Variants in LIPC observed in about 807,000 individuals in gnomAD.
LIPC encodes the protein lipase C, hepatic type, also known as hepatic triacylglycerol lipase.
Under a neutral mutation model 50.7 loss-of-function variants are expected in LIPC, and 44 were observed. The observed-to-expected ratio is 0.87, with a 90% CI of 0.68 to 1.11. The LOEUF is 1.11. LIPC is among the 50% of genes most tolerant of loss of function. The pLI, the probability that LIPC is intolerant of heterozygous loss-of-function variation, is 0.00. For missense variants in LIPC, 697 were observed against 648.2 expected, an observed-to-expected ratio of 1.08 and a Z score of -0.82; for synonymous variants, 271 against 256.4, an observed-to-expected ratio of 1.06 and a Z score of -0.54.
chr15:58,541,266 T>A (rs767656891), intron 2 of LIPC, among the ~76,000 whole-genome samples: 12 of 152,076 alleles, frequency 7.9e-5, no homozygotes, highest in Non-Finnish European at 1.8e-4. Flanking sequence ...TATGTCAGGC[T>A]CACAGTGCCC....
chr15:58,458,072 A>G (rs1465865358), intron 1 of LIPC, among the ~76,000 whole-genome samples: 1 of 152,240 alleles, frequency 6.6e-6, no homozygotes, highest in African/African-American at 2.4e-5. Flanking sequence ...TTAAATGGCA[A>G]AAGTCCTTGC....
chr15:58,545,589 G>T (rs1893493615), intron 4 of LIPC, among the ~76,000 whole-genome samples, 153 bp from the exon 5 acceptor site: 1 of 152,190 alleles, frequency 6.6e-6, no homozygotes, highest in South Asian at 2.1e-4. Flanking sequence ...ACTGAGAAAA[G>T]GTTACGGCGA....
At chr15:58,494,468 C>T (rs536821018) in intron 1 of LIPC, among the ~76,000 whole-genome samples, 1 of 152,166 alleles carries the variant, frequency 6.6e-6, no homozygotes, top group Admixed American at 6.5e-5. Flanking sequence ...TTTGCACTTA[C>T]AGAAAATGAG....
At chr15:58,566,573 G>C (rs1595962067) in intron 8 of LIPC, 1 of 526,172 alleles carries the variant, frequency 1.9e-6, no homozygotes, top group East Asian at 1.5e-4. Flanking sequence ...AAGTGCAAGT[G>C]GGAAAAGAAG....
At chr15:58,508,614 A>G (rs572514511) in intron 1 of LIPC, among the ~76,000 whole-genome samples, 1 of 152,352 alleles carries the variant, frequency 6.6e-6, no homozygotes, top group African/African-American at 2.4e-5. Context: ...ATTTGGATGT[A>G]TCAACTTTGC....
chr15:58,461,686 G>A (rs1250604751), intron 1 of LIPC, among the ~76,000 whole-genome samples: 2 of 151,810 alleles, frequency 1.3e-5, no homozygotes. Flanking sequence ...CCAGAATGCT[G>A]GGATTACAGG....
In LIPC at chr15:58,548,464, A is replaced by AGCTGCAAGAAGGGCC. The variant is rs780013819; in HGVS notation, c.951_965dup (p.Lys317_Cys321dup). ...CAGCTTCAGCCAGGGCCTGTGCCTG[A>AGCTGCAAGAAGGGCC]GCTGCAAGAAGGGCCGCTGCAACAC... On this transcript the variant is annotated inframe_insertion, in exon 6 of 9. Coordinates refer to ENST00000299022, the MANE Select transcript of LIPC (RefSeq NM_000236.3). The AGCTGCAAGAAGGGCC allele has an allele frequency of 2.2e-5, 35 of 1,613,020 alleles. No individual in the cohort carries two copies. Among genetic ancestry groups the AGCTGCAAGAAGGGCC allele is most frequent in the Non-Finnish European group, 2.8e-5 (33 of 1,179,558 alleles).
At chr15:58,480,813 C>T (rs1489753925) in intron 1 of LIPC, among the ~76,000 whole-genome samples, 1 of 152,114 alleles carries the variant, frequency 6.6e-6, no homozygotes, top group Non-Finnish European at 1.5e-5. Flanking sequence ...CCCAGGGAAG[C>T]CAAAAGATTG....
intron 7 of LIPC, among the ~76,000 whole-genome samples, chr15:58,562,642 T>C (rs565084558): frequency 3.9e-5 from 6 of 152,300 alleles, no homozygotes; most frequent in African/African-American, 1.2e-4. Flanking sequence ...ATCATCACAC[T>C]GATTCAGTCA....
chr15:58,436,737 A>C (rs1893311450), intron 1 of LIPC: 1 of 456,264 alleles, frequency 2.2e-6, no homozygotes, highest in Non-Finnish European at 4.4e-6. Context: ...AGAGAAGCAG[A>C]TTTTACTTCC....
intron 1 of LIPC, among the ~76,000 whole-genome samples, chr15:58,449,345 C>G (rs1167369443): frequency 6.6e-6 from 1 of 152,170 alleles, no homozygotes; most frequent in Non-Finnish European, 1.5e-5. Flanking sequence ...CATCTCTCTC[C>G]TTCTCATTTG....
Position 58,452,306 on chromosome 15 carries a change from C to T in LIPC, c.88+20186C>T, listed in dbSNP as rs148468516. Among the ~76,000 whole-genome samples the T allele has an allele frequency of 4.3e-3, 660 of 152,294 alleles. 2 individuals carry two copies. The highest frequency in any genetic ancestry group is 0.015 in the African/African-American group (628 of 41,556). ...ACGCACCCTCTGGGTGATTCTGAAA[C>T]AGGCACCAAAGTTTGAGAACGTCTG... On this transcript the variant is annotated intron_variant, in intron 1 of 8. Coordinates refer to ENST00000299022, the MANE Select transcript of LIPC (RefSeq NM_000236.3).
At chr15:58,503,095 G>C (rs1441395507) in intron 1 of LIPC, among the ~76,000 whole-genome samples, 2 of 152,088 alleles carry the variant, frequency 1.3e-5, no homozygotes, top group African/African-American at 4.8e-5. Flanking sequence ...TAATAACTGA[G>C]CTATGGACAA....
At chr15:58,550,133 G>C (rs1235482722) in intron 6 of LIPC, among the ~76,000 whole-genome samples, 1 of 152,158 alleles carries the variant, frequency 6.6e-6, no homozygotes, top group Non-Finnish European at 1.5e-5. Flanking sequence ...CTGGCATTTA[G>C]ACCTGGGGCC....
intron 5 of LIPC, among the ~76,000 whole-genome samples, chr15:58,548,127 A>G (rs557237845): frequency 8.5e-5 from 13 of 152,162 alleles, no homozygotes; most frequent in African/African-American, 3.1e-4. Flanking sequence ...GCCTGACACT[A>G]CATGACTCAG....
intron 1 of LIPC, among the ~76,000 whole-genome samples, chr15:58,453,731 A>C (rs962480049): frequency 6.6e-6 from 1 of 151,864 alleles, no homozygotes; most frequent in Non-Finnish European, 1.5e-5. Flanking sequence ...TGAAATCCCA[A>C]CTACTAAAAG....
At chr15:58,547,120 G>A (rs1019733703) in intron 5 of LIPC, among the ~76,000 whole-genome samples, 26 of 152,140 alleles carry the variant, frequency 1.7e-4, no homozygotes, top group Non-Finnish European at 5.9e-5. Context: ...GCTCTTTTGT[G>A]CTAAACTTCA....
intron 1 of LIPC, among the ~76,000 whole-genome samples, chr15:58,500,481 G>A (rs1381579962): frequency 6.6e-6 from 1 of 152,170 alleles, no homozygotes; most frequent in African/African-American, 2.4e-5. Flanking sequence ...GCACAAAACT[G>A]AATGAGGCTG....
intron 1 of LIPC, among the ~76,000 whole-genome samples, chr15:58,476,081 G>C (rs1890987854): frequency 6.6e-6 from 1 of 152,248 alleles, no homozygotes; most frequent in South Asian, 2.1e-4. Context: ...ACAACCTTAG[G>C]AAGAGAGCAG....
Sources: allele counts gnomAD v4.1 joint callset (sites outside exome capture counted in the v4.1 genomes callset), GRCh38; gene constraint gnomAD v4.1.1; transcripts MANE v1.5; gene names NCBI Gene and HGNC (gene_info 2026-07-23, HGNC 2026-07-21).